CEP128: variants seen among roughly 807,000 people sequenced by gnomAD.
CEP128 encodes centrosomal protein 128kDa.
In CEP128, 132 loss-of-function variants were observed where a neutral mutation model predicts 156.7. The ratio of observed to expected loss-of-function variants is 0.84; its 90% CI spans 0.73 to 0.97. The LOEUF (loss-of-function observed/expected upper bound fraction) is 0.97. CEP128 is among the 50% of genes least tolerant of loss of function. The pLI is 0.00. For synonymous variants in CEP128, 469 were observed against 448.9 expected (o/e 1.04, Z -0.57); for missense variants, 1,252 against 1,281.9 (o/e 0.98, Z 0.36).
chr14:80,863,769 G>A (rs1003129346), intron 8 of CEP128, among the ~76,000 whole-genome samples: 5 of 152,220 alleles, frequency 3.3e-5, no homozygotes, highest in East Asian at 1.9e-4. Context: ...TATTGGGGTC[G>A]TGTAAATGTT....
intron 6 of CEP128, among the ~76,000 whole-genome samples, chr14:80,902,082 C>A (rs1389649616): frequency 6.6e-6 from 1 of 152,192 alleles, no homozygotes; most frequent in Admixed American, 6.5e-5. Flanking sequence ...CTTCAGGAAG[C>A]CCTCCTTAAC....
At chr14:80,618,926 G>A (rs1204606994) in intron 19 of CEP128, among the ~76,000 whole-genome samples, 1 of 152,194 alleles carries the variant, frequency 6.6e-6, no homozygotes, top group Non-Finnish European at 1.5e-5. Context: ...TGTGAATAGT[G>A]TTGCGCTAGC....
At chr14:80,782,415 C>G (rs1901174017) in intron 15 of CEP128, among the ~76,000 whole-genome samples, 2 of 152,166 alleles carry the variant, frequency 1.3e-5, no homozygotes, top group South Asian at 4.1e-4. Flanking sequence ...CATTCCTTTG[C>G]CCACAATCTT....
chr14:80,724,715 A>G (rs2139481213), intron 19 of CEP128, among the ~76,000 whole-genome samples: 1 of 152,058 alleles, frequency 6.6e-6, no homozygotes, highest in African/African-American at 2.4e-5. Context: ...CTAGCGTTCA[A>G]CTGAAACTCA....
chr14:80,835,379 T>C (rs924902910), intron 12 of CEP128, among the ~76,000 whole-genome samples: 47 of 152,220 alleles, frequency 3.1e-4, no homozygotes, highest in African/African-American at 1.1e-3. Flanking sequence ...GAAGATTTTC[T>C]GGCAATGTGG....
chr14:80,672,616 A>G (rs933410794), intron 19 of CEP128, among the ~76,000 whole-genome samples: 1 of 152,174 alleles, frequency 6.6e-6, no homozygotes, highest in Admixed American at 6.5e-5. Flanking sequence ...CTTGATTTTC[A>G]CTGTCAACTA....
At chr14:80,951,720 G>C (rs192871255) in intron 2 of CEP128, among the ~76,000 whole-genome samples, 1 of 151,980 alleles carries the variant, frequency 6.6e-6, no homozygotes, top group East Asian at 1.9e-4. Flanking sequence ...CAGAGACGGC[G>C]AGACTGAAAG....
chr14:80,630,577 CAA>C (rs1430760115), intron 19 of CEP128, among the ~76,000 whole-genome samples: 1 of 151,952 alleles, frequency 6.6e-6, no homozygotes, highest in African/African-American at 2.4e-5. Context: ...GAAAAAACCA[CAA>C]GTTACAATAA....
intron 2 of CEP128, among the ~76,000 whole-genome samples, chr14:80,956,710 ATGT>A (rs1886714423): frequency 1.3e-5 from 2 of 152,212 alleles, no homozygotes; most frequent in African/African-American, 2.4e-5. Context: ...ATTAAAGAAA[ATGT>A]TGATAGATGA....
At chr14:80,731,138 G>A (rs1045806495) in intron 19 of CEP128, among the ~76,000 whole-genome samples, 20 of 152,124 alleles carry the variant, frequency 1.3e-4, no homozygotes, top group African/African-American at 3.6e-4. Flanking sequence ...TAAAAGTTCA[G>A]GGAAGAGGTC....
At chr14:80,577,761 A>C (rs1891419361) in intron 20 of CEP128, among the ~76,000 whole-genome samples, 1 of 152,150 alleles carries the variant, frequency 6.6e-6, no homozygotes, top group Non-Finnish European at 1.5e-5. Flanking sequence ...CCAATTTCTC[A>C]TATACCGAAG....
rs1055333256 is a variant in CEP128 at position 80,765,263 on chromosome 14, T to C, written c.2377-3650A>G. ...ACACTAATTATGGTACCCAATGAAG[T>C]AGCGCTTTCTCGCAGTTTCATGTTT... On this transcript the variant is annotated intron_variant, in intron 16 of 24. Transcript: ENST00000555265. 4.9e-4 allele frequency among the ~76,000 whole-genome samples: 74 copies of C among 152,224 alleles called. 1 individual carries two copies. The highest frequency in any genetic ancestry group is 4.8e-3 in the Admixed American group (74 of 15,284).
chr14:80,914,475 T>A, intron 3 of CEP128, 67 bp from the exon 4 acceptor site: 2 of 1,162,538 alleles, frequency 1.7e-6, no homozygotes, highest in Non-Finnish European at 2.6e-6. Context: ...ATCTTAGTAG[T>A]ATGTCAATCA....
At chr14:80,642,363 TA>T (rs1254860314) in intron 19 of CEP128, among the ~76,000 whole-genome samples, 1 of 152,082 alleles carries the variant, frequency 6.6e-6, no homozygotes, top group African/African-American at 2.4e-5. Context: ...AGTCCAGAGA[TA>T]AAGGAGAGAT....
exon 15 of CEP128, chr14:80,477,097 T>A (rs1594894527): frequency 6.6e-6 from 1 of 152,098 alleles, no homozygotes; most frequent in Non-Finnish European, 1.5e-5. Context: ...CATCATACAA[T>A]TAAGAATCAG....
chr14:80,719,570 TAAAC>T lies in CEP128; in HGVS notation c.2806+23501_2806+23504del, dbSNP rs145380164. ...AAGGCCCAGACTAGATCACATCTCT[TAAAC>T]AATCCCTGTGGTAAAATGAGTACTG... On this transcript the variant is annotated intron_variant, in intron 19 of 24. Transcript: ENST00000555265. Among the ~76,000 whole-genome samples the T allele has an allele frequency of 3.8e-3, 586 of 152,296 alleles. 3 individuals are homozygous for T. Among genetic ancestry groups the T allele is most frequent in the African/African-American group, 0.013 (561 of 41,568 alleles).
At chr14:80,861,885 T>C (rs1887530733) in intron 9 of CEP128, among the ~76,000 whole-genome samples, 1 of 152,200 alleles carries the variant, frequency 6.6e-6, no homozygotes, top group African/African-American at 2.4e-5. Context: ...GACTTTAAGA[T>C]TCACAGATAA....
At position 80,760,047 on chromosome 14, in the gene CEP128, C is replaced by T. The variant is rs1477114746; in HGVS notation, c.2553+1390G>A. Among the ~76,000 whole-genome samples the T allele has an allele frequency of 2.0e-5, 3 of 151,684 alleles. No homozygotes were observed. The East Asian group carries it at 5.8e-4, about 29-fold the overall frequency. On this transcript the variant is annotated intron_variant, in intron 17 of 24. Coordinates refer to ENST00000555265, the MANE Select transcript of CEP128 (RefSeq NM_152446.5). ...TAAATATAGAATAAATATTGCATTGCTAATATATACTTCTTCTAGATAAAA... is the reference window on the plus strand; with the variant it reads ...TAAATATAGAATAAATATTGCATTGTTAATATATACTTCTTCTAGATAAAA...
At chr14:80,701,621 CTA>C (rs534240105) in intron 19 of CEP128, among the ~76,000 whole-genome samples, 72 of 152,294 alleles carry the variant, frequency 4.7e-4, no homozygotes, top group African/African-American at 1.7e-3. Context: ...CCAAGACAGA[CTA>C]AAAGGGACCG....
Sources: gnomAD v4.1 joint callset for allele counts (sites outside exome capture counted in the v4.1 genomes callset) on GRCh38, gnomAD v4.1.1 for gene constraint, MANE v1.5 for transcripts, NCBI Gene and HGNC (gene_info 2026-07-23, HGNC 2026-07-21) for gene names.